RBFOX1: variants seen among roughly 807,000 people sequenced by gnomAD.
RBFOX1 encodes the protein RNA binding protein fox-1 homolog 1.
RBFOX1 carries 8 observed loss-of-function variants against 57.7 expected under a neutral mutation model. The ratio of observed to expected loss-of-function variants is 0.14; its 90% CI spans 0.08 to 0.25. The LOEUF is 0.25. Among genes scored for constraint, RBFOX1 ranks in the 10% least tolerant of loss-of-function variants. The probability of loss-of-function intolerance (pLI) is 1.00; values close to 1 mark genes in which losing one functional copy is unlikely to be tolerated. For missense variants in RBFOX1, 611 were observed against 548.5 expected (o/e 1.11, Z -1.14); for synonymous variants, 326 against 222.4 (o/e 1.47, Z -4.15).
intron 1 of RBFOX1, among the ~76,000 whole-genome samples, chr16:5,461,996 A>T (rs2068802268): frequency 6.6e-6 from 1 of 152,058 alleles, no homozygotes; most frequent in Non-Finnish European, 1.5e-5. Flanking sequence ...TGCCCACCAG[A>T]AAGGTGGCAC....
At chr16:5,261,549 G>GTTTTTTT (rs4047465) in intron 1 of RBFOX1, among the ~76,000 whole-genome samples, 1 of 120,504 alleles carries the variant, frequency 8.3e-6, no homozygotes. Flanking sequence ...TGTGTGTATG[G>GTTTTTTT]TTTTTTTTTT....
Position 7,155,363 on chromosome 16 carries a change from G to C in RBFOX1, c.27+103265G>C, listed in dbSNP as rs377111398. ...CTGGCACTTTGGGAGGTCGAGTTCAGTGGGTCACTTAAGCCAGGAGTTCAA... is the reference window on the plus strand; with the variant it reads ...CTGGCACTTTGGGAGGTCGAGTTCACTGGGTCACTTAAGCCAGGAGTTCAA... On this transcript the variant is annotated intron_variant, in intron 4 of 15. Transcript: ENST00000550418. 5.9e-5 allele frequency among the ~76,000 whole-genome samples: 9 copies of C among 152,130 alleles called. No homozygotes were observed. The East Asian group carries it at 1.2e-3, about 20-fold the overall frequency.
At chr16:7,504,744 TATATATATA>T (rs2072413549) in intron 4 of RBFOX1, among the ~76,000 whole-genome samples, 1 of 15,120 alleles carries the variant, frequency 6.6e-5, no homozygotes, top group East Asian at 1.1e-3. Flanking sequence ...TATATATATA[TATATATATA>T]TTTATATATA....
At chr16:6,747,445 A>AGTCTGTCTGTCTGTCTGTCTGTCT (rs367859716) in intron 3 of RBFOX1, among the ~76,000 whole-genome samples, 17 of 83,288 alleles carry the variant, frequency 2.0e-4, no homozygotes, top group African/African-American at 6.8e-4. Flanking sequence ...TCAGTCAGTT[A>AGTCTGTCTGTCTGTCTGTCTGTCT]GTCTGTCTGT....
chr16:5,868,191 C>G (rs1247377164), intron 4 of RBFOX1, among the ~76,000 whole-genome samples: 1 of 152,150 alleles, frequency 6.6e-6, no homozygotes, highest in African/African-American at 2.4e-5. Context: ...CACGATAGAG[C>G]CGGTCACTCT....
chr16:6,531,837 G>C (rs1051135059), intron 2 of RBFOX1, among the ~76,000 whole-genome samples: 3 of 152,128 alleles, frequency 2.0e-5, no homozygotes, highest in African/African-American at 7.2e-5. Context: ...TTAATTACAG[G>C]GACAGTCTCA....
intron 1 of RBFOX1, among the ~76,000 whole-genome samples, chr16:5,305,524 C>T (rs192414804): frequency 3.6e-4 from 55 of 152,278 alleles, no homozygotes; most frequent in Non-Finnish European, 4.4e-5. Context: ...ATTAGAAAAA[C>T]AAAGTGGCTT....
chr16:7,012,604 T>G (rs1374278679), intron 3 of RBFOX1, among the ~76,000 whole-genome samples: 1 of 152,170 alleles, frequency 6.6e-6, no homozygotes, highest in Non-Finnish European at 1.5e-5. Context: ...AACAAAACAT[T>G]GGAACAGAAT....
intron 1 of RBFOX1, among the ~76,000 whole-genome samples, chr16:6,202,814 A>T (rs1384696994): frequency 6.6e-6 from 1 of 151,812 alleles, no homozygotes; most frequent in Non-Finnish European, 1.5e-5. Flanking sequence ...CTGAGACAGG[A>T]TCTCATTCTG....
intron 15 of RBFOX1, chr16:7,710,405 C>A (rs1598713878): frequency 1.4e-6 from 2 of 1,388,364 alleles, no homozygotes; most frequent in Non-Finnish European, 1.8e-6. Context: ...GACTGGCTGA[C>A]AGAATTTGGT....
In RBFOX1 at chr16:5,990,303, A is replaced by G. The variant is rs530286841; in HGVS notation, c.351+122968A>G. On this transcript the variant is annotated intron_variant, in intron 4 of 19. Coordinates refer to the RBFOX1 transcript ENST00000641259. ...CACTGTACCCAGCCCATAAAGGCAT[A>G]TGTGAAGATTTCCACTGGCCGTAAT... Among the ~76,000 whole-genome samples, 186 of 152,282 alleles carry G rather than the reference A, an allele frequency of 1.2e-3. 1 individual carries two copies. The highest frequency in any genetic ancestry group is 2.4e-3 in the Non-Finnish European group (161 of 68,022).
chr16:5,551,649 A>G (rs1254112592), intron 2 of RBFOX1, among the ~76,000 whole-genome samples: 1 of 151,888 alleles, frequency 6.6e-6, no homozygotes, highest in Non-Finnish European at 1.5e-5. Flanking sequence ...TCTTTTTTTT[A>G]ACCTTACGTT....
At chr16:6,772,412 G>T (rs1375143104) in intron 3 of RBFOX1, among the ~76,000 whole-genome samples, 2 of 146,282 alleles carry the variant, frequency 1.4e-5, no homozygotes, top group East Asian at 4.1e-4. Context: ...AGGGTTTTGT[G>T]TGTGCGCACG....
intron 1 of RBFOX1, among the ~76,000 whole-genome samples, chr16:6,176,640 A>G (rs2097013027): frequency 1.3e-5 from 2 of 152,014 alleles, no homozygotes; most frequent in African/African-American, 4.8e-5. Flanking sequence ...TGTAATAACA[A>G]TTATTGTTAT....
chr16:7,108,553 T>A (rs1478697), intron 4 of RBFOX1, among the ~76,000 whole-genome samples: 1 of 151,996 alleles, frequency 6.6e-6, no homozygotes, highest in Non-Finnish European at 1.5e-5. Context: ...GGTGATTCTG[T>A]ATGTGCCTGT....
At chr16:6,882,486 C>T (rs1015788206) in intron 3 of RBFOX1, among the ~76,000 whole-genome samples, 3 of 152,150 alleles carry the variant, frequency 2.0e-5, no homozygotes, top group Non-Finnish European at 4.4e-5. Flanking sequence ...CCCAGCTACT[C>T]CGGAGGGTGA....
chr16:7,059,182 A>T (rs1225744494), intron 4 of RBFOX1, among the ~76,000 whole-genome samples: 1 of 152,300 alleles, frequency 6.6e-6, no homozygotes, highest in South Asian at 2.1e-4. Context: ...AGAATCAGAG[A>T]TACCTTCTCC....
At chr16:6,978,572 C>T (rs1492384) in intron 3 of RBFOX1, among the ~76,000 whole-genome samples, 1 of 149,784 alleles carries the variant, frequency 6.7e-6, no homozygotes, top group Admixed American at 6.6e-5. Flanking sequence ...CCCCTTTCTC[C>T]TTTCTATATT....
chr16:6,217,446 C>T lies in RBFOX1; in HGVS notation c.-126-99549C>T, dbSNP rs111599718. 1.7e-3 allele frequency among the ~76,000 whole-genome samples: 260 copies of T among 152,198 alleles called. 3 individuals carry two copies. Among genetic ancestry groups the T allele is most frequent in the African/African-American group, 5.9e-3 (243 of 41,528 alleles). On this transcript the variant is annotated intron_variant, in intron 1 of 15. Transcript: ENST00000550418. Reference sequence around the variant, plus strand: ...TGATAATCAAACATTTCAGTATTATCGGGACCTTCCTGGGACTGAGCACAC... The same window carrying T: ...TGATAATCAAACATTTCAGTATTATTGGGACCTTCCTGGGACTGAGCACAC...
Sources: gnomAD v4.1 joint callset for allele counts (sites outside exome capture counted in the v4.1 genomes callset) on GRCh38, gnomAD v4.1.1 for gene constraint, MANE v1.5 for transcripts, NCBI Gene and HGNC (gene_info 2026-07-23, HGNC 2026-07-21) for gene names.